The following DDAH1 variants were observed in gnomAD, a reference collection of about 807,000 sequenced individuals.
The protein encoded by DDAH1 is dimethylarginine dimethylaminohydrolase 1, also known as N(G),N(G)-dimethylarginine dimethylaminohydrolase 1.
DDAH1 carries 19 observed loss-of-function variants against 28.8 expected under a neutral mutation model. That is an observed-to-expected ratio of 0.66 (90% CI 0.46 to 0.97). DDAH1 has a LOEUF of 0.97. Ranked by LOEUF, DDAH1 falls within the 50% of genes least tolerant of loss-of-function variation. The pLI is 0.00. For missense variants in DDAH1, 326 were observed against 375.9 expected (o/e 0.87, Z 1.10); for synonymous variants, 153 against 154.4 (o/e 0.99, Z 0.07).
At chr1:85,379,464 A>C in intron 1 of DDAH1, 2 of 339,968 alleles carry the variant, frequency 5.9e-6, no homozygotes, top group Non-Finnish European at 8.3e-6. Context: ...AGTGACAGGT[A>C]GAGATAATGA....
chr1:85,331,717 C>A (rs1647779151), intron 4 of DDAH1, among the ~76,000 whole-genome samples: 2 of 152,190 alleles, frequency 1.3e-5, no homozygotes, highest in South Asian at 4.1e-4. Flanking sequence ...TTTCCACAGA[C>A]TAGTTCAAAA....
chr1:85,350,629 C>T, intron 3 of DDAH1, 95 bp from the exon 4 acceptor site: 1 of 1,382,618 alleles, frequency 7.2e-7, no homozygotes, highest in Non-Finnish European at 9.7e-7. Context: ...TTCTTGAAGG[C>T]TGACAGGGAC....
chr1:85,500,715 C>T (rs979769063), intron 1 of DDAH1, among the ~76,000 whole-genome samples: 1 of 152,178 alleles, frequency 6.6e-6, no homozygotes, highest in Non-Finnish European at 1.5e-5. Context: ...TAGGCCACCT[C>T]ATACTATTCC....
intron 1 of DDAH1, among the ~76,000 whole-genome samples, chr1:85,515,351 AGTTTGAGAACCT>A (rs1657430801): frequency 7.2e-6 from 1 of 138,458 alleles, no homozygotes; most frequent in Admixed American, 7.7e-5. Context: ...CTAAGTTCCC[AGTTTGAGAACCT>A]GAACTTGGGT....
rs1553150171 is a variant in DDAH1 at position 85,577,043 on chromosome 1, T to TGGAAACGTCCTGCGCC, written c.-123+925_-123+940dup. Reference sequence around the variant, plus strand: ...ACTTTCACCAAATATGGGCCGGGGCTGGAAACGTCCTGCGCCGCGCGCCGC... The same window carrying TGGAAACGTCCTGCGCC: ...ACTTTCACCAAATATGGGCCGGGGCTGGAAACGTCCTGCGCCGGAAACGTCCTGCGCCGCGCGCCGC... On this transcript the variant is annotated intron_variant, in intron 1 of 6. Transcript: ENST00000426972. Among the ~76,000 whole-genome samples the TGGAAACGTCCTGCGCC allele has an allele frequency of 5.9e-5, 9 of 152,052 alleles. No homozygotes were observed. The East Asian group carries it at 1.7e-3, about 30-fold the overall frequency.
intron 1 of DDAH1, among the ~76,000 whole-genome samples, chr1:85,526,880 A>AG (rs1449098567): frequency 2.7e-5 from 4 of 149,826 alleles, no homozygotes; most frequent in Admixed American, 2.0e-4. Context: ...TGAGAAGAGA[A>AG]GGAGGGAGGG....
intron 1 of DDAH1, among the ~76,000 whole-genome samples, chr1:85,383,894 G>C (rs1651122367): frequency 6.6e-6 from 1 of 152,070 alleles, no homozygotes; most frequent in South Asian, 2.1e-4. Flanking sequence ...ACAATTAATA[G>C]ACTACATTAA....
intron 1 of DDAH1, among the ~76,000 whole-genome samples, chr1:85,511,517 G>A (rs1391958722): frequency 1.3e-5 from 2 of 152,094 alleles, no homozygotes; most frequent in African/African-American, 4.8e-5. Flanking sequence ...AACTGAAAGG[G>A]ATAGAGACAC....
intron 1 of DDAH1, among the ~76,000 whole-genome samples, chr1:85,402,937 T>C (rs1652216920): frequency 2.0e-5 from 3 of 151,664 alleles, no homozygotes; most frequent in Admixed American, 2.0e-4. Context: ...CTTCTGACAA[T>C]TCTCATTTTT....
intron 4 of DDAH1, among the ~76,000 whole-genome samples, chr1:85,335,538 T>C (rs1330285419): frequency 2.6e-5 from 4 of 152,118 alleles, no homozygotes; most frequent in African/African-American, 4.8e-5. Context: ...ATAAAACAGA[T>C]TTTTAATGAA....
chr1:85,445,432 A>G (rs1292773961), intron 1 of DDAH1, among the ~76,000 whole-genome samples: 1 of 152,186 alleles, frequency 6.6e-6, no homozygotes, highest in African/African-American at 2.4e-5. Context: ...CTTAAGATCA[A>G]ATATTTAGAA....
chr1:85,412,526 G>A (rs968872905), intron 1 of DDAH1, among the ~76,000 whole-genome samples: 10 of 152,042 alleles, frequency 6.6e-5, no homozygotes, highest in Non-Finnish European at 1.3e-4. Flanking sequence ...ACTACCAATC[G>A]GTGTAGTATG....
At chr1:85,445,044 C>A (rs931228244) in intron 1 of DDAH1, among the ~76,000 whole-genome samples, 5 of 152,080 alleles carry the variant, frequency 3.3e-5, no homozygotes, top group Non-Finnish European at 7.4e-5. Flanking sequence ...AGGCTGGGAG[C>A]CTAGGCCAGT....
Position 85,350,550 on chromosome 1 carries a change from A to G in DDAH1, c.478-16T>C, listed in dbSNP as rs1196262198. ...CTGCATAGTCCTACGTGGACAATAG[A>G]AAAACAAGCAGTTTAGTATTGCAGA... On this transcript the variant is annotated splice_polypyrimidine_tract_variant and intron_variant, in intron 3 of 5. Transcript: ENST00000284031. 2 of 1,609,524 alleles carry G rather than the reference A, an allele frequency of 1.2e-6. No individual in the cohort carries two copies.
chr1:85,378,976 A>G (rs1650828032), intron 1 of DDAH1, among the ~76,000 whole-genome samples: 1 of 151,998 alleles, frequency 6.6e-6, no homozygotes, highest in Admixed American at 6.6e-5. Context: ...ACCATTTCTA[A>G]ATTTCCTAAT....
chr1:85,378,490 C>A (rs1055793495), intron 1 of DDAH1, among the ~76,000 whole-genome samples: 3 of 152,168 alleles, frequency 2.0e-5, no homozygotes, highest in Non-Finnish European at 4.4e-5. Context: ...CACACTGCAG[C>A]CTTGACCTCT....
intron 1 of DDAH1, among the ~76,000 whole-genome samples, chr1:85,450,374 G>C (rs769240259): frequency 6.6e-6 from 1 of 152,120 alleles, no homozygotes; most frequent in Non-Finnish European, 1.5e-5. Flanking sequence ...TAAGTGGTAG[G>C]TCTGGGTCTT....
At chr1:85,380,825 ATG>A (rs1650944071) in intron 1 of DDAH1, among the ~76,000 whole-genome samples, 1 of 152,168 alleles carries the variant, frequency 6.6e-6, no homozygotes. Context: ...TCTTAGACTT[ATG>A]TGTGTGTGTT....
At chr1:85,552,785 G>C (rs192719953) in intron 1 of DDAH1, among the ~76,000 whole-genome samples, 7 of 152,150 alleles carry the variant, frequency 4.6e-5, no homozygotes, top group Non-Finnish European at 8.8e-5. Flanking sequence ...TGAACAGTAA[G>C]TAAGTAAAAC....
Sources: allele counts gnomAD v4.1 joint callset (sites outside exome capture counted in the v4.1 genomes callset), GRCh38; gene constraint gnomAD v4.1.1; transcripts MANE v1.5; gene names NCBI Gene and HGNC (gene_info 2026-07-23, HGNC 2026-07-21).